The following LUC7L2 variants were observed in gnomAD, a reference collection of about 807,000 sequenced individuals.
LUC7L2 encodes the protein LUC7 like 2, pre-mRNA splicing factor.
A neutral mutation model predicts 52.8 loss-of-function variants in LUC7L2; 25 were observed. The ratio of observed to expected loss-of-function variants is 0.47; its 90% confidence interval spans 0.34 to 0.66. The LOEUF (loss-of-function observed/expected upper bound fraction) is 0.66. Ranked by LOEUF, LUC7L2 falls within the 30% of genes least tolerant of loss-of-function variation. LUC7L2 has a pLI of 0.01. For synonymous variants in LUC7L2, 144 were observed against 160.9 expected, an observed-to-expected ratio of 0.89 and a Z score of 0.80; for missense variants, 328 against 497.8, an observed-to-expected ratio of 0.66 and a Z score of 3.25.
At chr7:139,410,228 C>A (rs2131300623) in intron 7 of LUC7L2, among the ~76,000 whole-genome samples, 1 of 151,624 alleles carries the variant, frequency 6.6e-6, no homozygotes, top group Admixed American at 6.6e-5. Flanking sequence ...AGATTTATAA[C>A]AAAATCCTTT....
chr7:139,417,151 T>C (rs2355788), intron 8 of LUC7L2: 61,519 of 165,314 alleles, frequency 0.37, 16,081 homozygotes, highest in African/African-American at 0.76. Flanking sequence ...AGAGATTCTC[T>C]CACCTCAGCT....
chr7:139,360,256 G>A lies in LUC7L2; in HGVS notation c.-6G>A, dbSNP rs1490947345. ...CCCCCGCCCGTCCGCCCGCTACGCC[G>A]CCGCCATGTCGGCGCAGGCCCAGAT... On this transcript the variant is annotated 5_prime_UTR_variant, in exon 1 of 10. Transcript: ENST00000354926. The A allele has an allele frequency of 2.6e-6, 4 of 1,552,824 alleles. No individual in the cohort carries two copies. The highest frequency in any genetic ancestry group is 1.2e-5 in the South Asian group (1 of 84,448).
Position 139,360,084 on chromosome 7 carries a change from T to G in LUC7L2, c.-178T>G, listed in dbSNP as rs1006318744. The G allele has an allele frequency of 9.0e-6, 5 of 558,542 alleles. No homozygotes were observed. The African/African-American group carries it at 1.0e-4, about 11-fold the overall frequency. The allele number at this position is 558,542 out of a possible 1,614,324, so 34.6% of individuals were successfully genotyped here. A position where few individuals can be genotyped will look rare whatever the true frequency, so the allele number is the denominator to read the frequency against. On this transcript the variant is annotated 5_prime_UTR_variant, in exon 1 of 10. Transcript: ENST00000354926. ...GTCGTCTTCCACGTACACGTCGTCG[T>G]GAGGAGCGCAGTCCGGACTCTTCCC...
At chr7:139,353,833 G>T (rs1350941854) in intron 1 of LUC7L2, among the ~76,000 whole-genome samples, 1 of 151,784 alleles carries the variant, frequency 6.6e-6, no homozygotes, top group East Asian at 1.9e-4. Context: ...AAAAATTGAA[G>T]GCCAGGCACG....
intron 5 of LUC7L2, among the ~76,000 whole-genome samples, 174 bp from the exon 6 acceptor site, chr7:139,407,000 G>GTTTTTTTTTTTTTT (rs779013466): frequency 1.8e-4 from 20 of 111,616 alleles, no homozygotes; most frequent in African/African-American, 6.4e-4. Flanking sequence ...ATGCTTTTGT[G>GTTTTTTTTTTTTTT]GTTTTTTTTT....
intron 1 of LUC7L2, among the ~76,000 whole-genome samples, chr7:139,360,843 C>A (rs1420942391): frequency 6.6e-6 from 1 of 152,142 alleles, no homozygotes; most frequent in Non-Finnish European, 1.5e-5. Flanking sequence ...CAGAAACAAC[C>A]ATTTTTATGG....
Position 139,407,000 on chromosome 7 carries a change from G to GTTTTTTTTTTTTTTTTTTTTT in LUC7L2, c.511-174_511-173insTTTTTTTTTTTTTTTTTTTTT, listed in dbSNP as rs779013466. Reference sequence around the variant, plus strand: ...CATAACAAAATAGCCATGCTTTTGTGGTTTTTTTTTTTTTTTTTTTTTGAG... The same window carrying GTTTTTTTTTTTTTTTTTTTTT: ...CATAACAAAATAGCCATGCTTTTGTGTTTTTTTTTTTTTTTTTTTTTGTTTTTTTTTTTTTTTTTTTTTGAG... On this transcript the variant is annotated intron_variant, in intron 5 of 9. Transcript: ENST00000354926. 3.6e-5 allele frequency among the ~76,000 whole-genome samples: 4 copies of GTTTTTTTTTTTTTTTTTTTTT among 111,612 alleles called. 2 individuals carry two copies. The highest frequency in any genetic ancestry group is 7.5e-5 in the African/African-American group (2 of 26,604). 73.2% of individuals were successfully genotyped at this position (111,612 alleles called of 152,430 possible). A position where few individuals can be genotyped will look rare whatever the true frequency, so the allele number is the denominator to read the frequency against.
intron 2 of LUC7L2, chr7:139,392,493 C>A: frequency 2.7e-6 from 1 of 375,712 alleles, no homozygotes; most frequent in Non-Finnish European, 5.3e-6. Flanking sequence ...GTTATTTGGT[C>A]CACATTTCAT....
At chr7:139,357,452 T>C (rs1343859628), upstream of LUC7L2, among the ~76,000 whole-genome samples, 1 of 152,126 alleles carries the variant, frequency 6.6e-6, no homozygotes, top group African/African-American at 2.4e-5. Context: ...AACTCAAATC[T>C]CTTCAACAAA....
chr7:139,376,585 A>C (rs1056453455), intron 2 of LUC7L2, among the ~76,000 whole-genome samples: 1 of 152,222 alleles, frequency 6.6e-6, no homozygotes, highest in African/African-American at 2.4e-5. Flanking sequence ...TTATATCCAC[A>C]CAGCTTAATT....
At chr7:139,415,054 GTTTTTTTT>G (rs1171809951) in intron 8 of LUC7L2, among the ~76,000 whole-genome samples, 2 of 54,192 alleles carry the variant, frequency 3.7e-5, no homozygotes, top group Non-Finnish European at 6.2e-5. Context: ...GCCCTGCTAA[GTTTTTTTT>G]TTTTTTTTTT....
intron 1 of LUC7L2, chr7:139,374,437 A>G: frequency 1.9e-6 from 3 of 1,550,992 alleles, no homozygotes; most frequent in Non-Finnish European, 2.6e-6. Flanking sequence ...TCAATCTGCA[A>G]GGGAGTGTCA....
chr7:139,350,259 C>T lies in LUC7L2; in HGVS notation c.-26+9742C>T, dbSNP rs796878239. Among the ~76,000 whole-genome samples, 15 of 151,794 alleles carry T rather than the reference C, an allele frequency of 9.9e-5. 1 individual carries two copies. Among genetic ancestry groups the T allele is most frequent in the African/African-American group, 2.9e-4 (12 of 41,412 alleles). ...GCCTCAGCCTCCTGAGTAGCTGGGA[C>T]TACAGGCGCCCGCCACCACGCCCGG... On this transcript the variant is annotated intron_variant, in intron 1 of 10. Coordinates refer to the LUC7L2 transcript ENST00000541170.
At chr7:139,412,665 A>G in intron 8 of LUC7L2, 85 bp downstream of exon 8, 3 of 1,504,650 alleles carry the variant, frequency 2.0e-6, no homozygotes, top group Non-Finnish European at 2.7e-6. Context: ...ATGGTCCTTT[A>G]AAAATTTTCT....
rs568183013 is a variant in LUC7L2 at position 139,366,550 on chromosome 7, T to G, written c.61+6228T>G. ...ATCAGGGACTGGCACTATGGCCTCCTGCTTTTGGTAAATAAAGTTTTATTG... is the reference window on the plus strand; with the variant it reads ...ATCAGGGACTGGCACTATGGCCTCCGGCTTTTGGTAAATAAAGTTTTATTG... On this transcript the variant is annotated intron_variant, in intron 1 of 9. Transcript: ENST00000354926. 2.6e-5 allele frequency among the ~76,000 whole-genome samples: 4 copies of G among 152,364 alleles called. No homozygotes were observed. In the South Asian group the frequency reaches 8.3e-4, roughly 32 times the overall value.
intron 1 of LUC7L2, among the ~76,000 whole-genome samples, chr7:139,370,551 A>G (rs1211214311): frequency 6.6e-6 from 1 of 152,102 alleles, no homozygotes; most frequent in African/African-American, 2.4e-5. Context: ...TCCAACTCCC[A>G]GGTTCAAGCG....
chr7:139,396,520 A>G (rs116884834), intron 2 of LUC7L2, among the ~76,000 whole-genome samples: 4 of 152,220 alleles, frequency 2.6e-5, no homozygotes, highest in Non-Finnish European at 5.9e-5. Context: ...AAACAAATCT[A>G]TTTCTGCTGC....
chr7:139,408,847 A>G (rs1439059242), intron 6 of LUC7L2, among the ~76,000 whole-genome samples: 1 of 151,038 alleles, frequency 6.6e-6, no homozygotes, highest in Non-Finnish European at 1.5e-5. Flanking sequence ...GTCTCAAAAA[A>G]AAAAAAAAAA....
At chr7:139,420,401 C>A (rs1387031347) in intron 9 of LUC7L2, among the ~76,000 whole-genome samples, 1 of 152,144 alleles carries the variant, frequency 6.6e-6, no homozygotes, top group Non-Finnish European at 1.5e-5. Context: ...CAGGGTTACG[C>A]CATGTTGGCC....
Sources: allele counts gnomAD v4.1 joint callset (sites outside exome capture counted in the v4.1 genomes callset), GRCh38; gene constraint gnomAD v4.1.1; transcripts MANE v1.5; gene names NCBI Gene and HGNC (gene_info 2026-07-23, HGNC 2026-07-21).